The following KPNA7 variants were observed in gnomAD, a reference collection of about 807,000 sequenced individuals.
The protein encoded by KPNA7 is importin subunit alpha-8.
Under a neutral mutation model 53.7 loss-of-function variants are expected in KPNA7, and 54 were observed. The ratio of observed to expected loss-of-function variants is 1.01; its 90% CI spans 0.81 to 1.26. KPNA7 has a LOEUF of 1.26. Ranked by LOEUF, KPNA7 falls within the 50% of genes most tolerant of loss-of-function variation. The pLI is 0.00. For synonymous variants in KPNA7, 276 were observed against 259.3 expected (o/e 1.06, Z -0.62); for missense variants, 640 against 644.5 (o/e 0.99, Z 0.07).
intron 6 of KPNA7, among the ~76,000 whole-genome samples, chr7:99,191,245 C>T (rs796139920): frequency 1.4e-4 from 22 of 151,854 alleles, no homozygotes; most frequent in African/African-American, 5.3e-4. Context: ...GCAACCTCCA[C>T]CTCCCAGGTT....
chr7:99,192,871 A>G (rs1012598844), intron 6 of KPNA7, 148 bp downstream of exon 6: 14 of 544,658 alleles, frequency 2.6e-5, no homozygotes, highest in Non-Finnish European at 3.7e-5. Flanking sequence ...GCTCACGTCC[A>G]TAATCCCAGA....
chr7:99,210,982 T>C (rs1189993095), upstream of KPNA7, among the ~76,000 whole-genome samples: 1 of 151,818 alleles, frequency 6.6e-6, no homozygotes, highest in African/African-American at 2.4e-5. Flanking sequence ...GACTACATTA[T>C]AGAAAAGAGA....
At chr7:99,169,049 G>A (rs1464718534), downstream of KPNA7, among the ~76,000 whole-genome samples, 3 of 151,986 alleles carry the variant, frequency 2.0e-5, no homozygotes, top group African/African-American at 4.8e-5. Flanking sequence ...TTACCTGGCC[G>A]TGGTGGCACA....
chr7:99,176,602 C>T (rs983484815), intron 10 of KPNA7, among the ~76,000 whole-genome samples: 18 of 152,158 alleles, frequency 1.2e-4, no homozygotes, highest in Admixed American at 3.9e-4. Context: ...GGGCCAGGTG[C>T]GGTGGCACAG....
rs73147656 is a variant in KPNA7 at position 99,188,996 on chromosome 7, G to A, written c.637-433C>T. Among the ~76,000 whole-genome samples the A allele has an allele frequency of 6.5e-3, 984 of 152,214 alleles. 5 individuals are homozygous for A. The highest frequency in any genetic ancestry group is 0.015 in the Admixed American group (233 of 15,284). The stretch of plus-strand genomic sequence containing the variant: ...TGTGCCCGACTGAACGAGAGCTTTT[G>A]AACTTCAAATAGAAATGTGTTCTAG... On this transcript the variant is annotated intron_variant, in intron 6 of 10. Coordinates refer to ENST00000327442, the MANE Select transcript of KPNA7 (RefSeq NM_001145715.3).
chr7:99,150,277 G>A, the KPNA7 span, among the ~76,000 whole-genome samples: 2 of 151,944 alleles, frequency 1.3e-5, no homozygotes, highest in Non-Finnish European at 2.9e-5. Context: ...TATATTTTTA[G>A]TAGAGACAGG....
intron 1 of KPNA7, among the ~76,000 whole-genome samples, chr7:99,217,385 T>C (rs945537765): frequency 3.3e-5 from 5 of 152,112 alleles, no homozygotes; most frequent in African/African-American, 1.2e-4. Flanking sequence ...CAAAGTAGGG[T>C]TTGTTTAAGC....
At chr7:99,158,019 C>G in the KPNA7 span, among the ~76,000 whole-genome samples, 1 of 151,880 alleles carries the variant, frequency 6.6e-6, no homozygotes, top group Admixed American at 6.6e-5. Context: ...TCCTGAGTAG[C>G]TGGGACTACA....
At chr7:99,148,645 G>A in the KPNA7 span, among the ~76,000 whole-genome samples, 1 of 151,832 alleles carries the variant, frequency 6.6e-6, no homozygotes, top group Non-Finnish European at 1.5e-5. Flanking sequence ...AGGCTGGAAG[G>A]CAGTGCCATC....
downstream of KPNA7, among the ~76,000 whole-genome samples, chr7:99,168,715 C>T (rs1302470463): frequency 6.6e-6 from 1 of 152,124 alleles, no homozygotes; most frequent in African/African-American, 2.4e-5. Context: ...CTAGGCTGGT[C>T]TCAAACTCCT....
At chr7:99,218,800 C>T (rs1791275422) in intron 1 of KPNA7, among the ~76,000 whole-genome samples, 1 of 152,254 alleles carries the variant, frequency 6.6e-6, no homozygotes, top group Admixed American at 6.5e-5. Context: ...CAGCAGCCTC[C>T]TCAGGGCCCC....
Position 99,177,988 on chromosome 7 carries a change from A to G in KPNA7, c.1396T>C (p.Leu466=), listed in dbSNP as rs1227605772. Residue 466 remains leucine (L), a synonymous_variant, in exon 10 of 11, where the codon TTA becomes CTA. Coordinates refer to ENST00000327442, the MANE Select transcript of KPNA7 (RefSeq NM_001145715.3). ...ATTTGACGGTTCTCATGCAGCTGTA[A>G]AGCCTCAATTCTATCGATCCCACCA... ...ELGGIDRIEA[L]QLHENRQIGQ... is the part of the protein sequence containing the mutation. 1 of 1,551,934 alleles carries G rather than the reference A, an allele frequency of 6.4e-7. No homozygotes were observed. The highest frequency in any genetic ancestry group is 8.7e-7 in the Non-Finnish European group (1 of 1,147,052).
chr7:99,186,770 G>T (rs1307483057), intron 7 of KPNA7, among the ~76,000 whole-genome samples: 1 of 151,780 alleles, frequency 6.6e-6, no homozygotes, highest in Non-Finnish European at 1.5e-5. Flanking sequence ...AACAAAAATG[G>T]CTTGTCTTAT....
the KPNA7 span, among the ~76,000 whole-genome samples, chr7:99,152,256 G>A: frequency 6.6e-6 from 1 of 151,946 alleles, no homozygotes. Context: ...CAGTTACACG[G>A]GAGGCTGAGG....
chr7:99,182,144 G>T, intron 8 of KPNA7, 79 bp from the exon 9 acceptor site: 7 of 1,163,376 alleles, frequency 6.0e-6, no homozygotes, highest in African/African-American at 1.6e-5. Context: ...TCACTTTCTA[G>T]GGAGGCTGGT....
At chr7:99,198,954 C>T (rs895524889) in intron 3 of KPNA7, among the ~76,000 whole-genome samples, 9 of 150,434 alleles carry the variant, frequency 6.0e-5, no homozygotes, top group Admixed American at 2.0e-4. Flanking sequence ...TCTTTACATG[C>T]TAGCAGTGAT....
chr7:99,156,616 C>T, the KPNA7 span, among the ~76,000 whole-genome samples: 6 of 152,080 alleles, frequency 3.9e-5, no homozygotes, highest in African/African-American at 1.4e-4. Context: ...CCTCCGCCTC[C>T]CAGGTTCAAG....
downstream of KPNA7, among the ~76,000 whole-genome samples, chr7:99,172,395 A>T (rs1798786017): frequency 6.6e-6 from 1 of 152,216 alleles, no homozygotes; most frequent in Non-Finnish European, 1.5e-5. Context: ...TATAAAAATT[A>T]AGTATACAAG....
At chr7:99,215,139 T>A (rs1308634029) in intron 1 of KPNA7, among the ~76,000 whole-genome samples, 1 of 151,776 alleles carries the variant, frequency 6.6e-6, no homozygotes, top group Non-Finnish European at 1.5e-5. Context: ...TTTGGGAGGC[T>A]GAGGTGGGTG....
Sources: allele counts gnomAD v4.1 joint callset (sites outside exome capture counted in the v4.1 genomes callset), GRCh38; gene constraint gnomAD v4.1.1; transcripts MANE v1.5; gene names NCBI Gene and HGNC (gene_info 2026-07-23, HGNC 2026-07-21).